The following SYT1 variants were observed in gnomAD, a reference collection of about 807,000 sequenced individuals.
The protein encoded by SYT1 is synaptotagmin 1, also known as synaptotagmin-1.
SYT1 carries 8 observed loss-of-function variants against 44.8 expected under a neutral mutation model. The ratio of observed to expected loss-of-function variants is 0.18; its 90% CI spans 0.10 to 0.32. The LOEUF (loss-of-function observed/expected upper bound fraction) is 0.32. SYT1 is among the 10% of genes least tolerant of loss of function. SYT1 has a pLI of 1.00. For missense variants in SYT1, 286 were observed against 509.3 expected, an observed-to-expected ratio of 0.56 and a Z score of 4.22; for synonymous variants, 154 against 188.8, an observed-to-expected ratio of 0.82 and a Z score of 1.51.
At chr12:78,984,129 C>G (rs970585244) in intron 2 of SYT1, among the ~76,000 whole-genome samples, 2 of 151,642 alleles carry the variant, frequency 1.3e-5, no homozygotes, top group Non-Finnish European at 2.9e-5. Context: ...ACCACCAAGA[C>G]AAATTGCCAA....
chr12:79,385,504 T>TC (rs751815176), intron 9 of SYT1, among the ~76,000 whole-genome samples: 25 of 152,076 alleles, frequency 1.6e-4, no homozygotes, highest in Non-Finnish European at 2.9e-4. Flanking sequence ...GCGTGTTTAT[T>TC]CCCCCCAAAA....
At chr12:79,206,332 TA>T (rs1874124401) in intron 3 of SYT1, among the ~76,000 whole-genome samples, 1 of 152,174 alleles carries the variant, frequency 6.6e-6, no homozygotes, top group Admixed American at 6.5e-5. Context: ...AAGCCAATAT[TA>T]AAAGGTTTCA....
chr12:79,089,786 T>G lies in SYT1; in HGVS notation c.-18+42424T>G, dbSNP rs369284644. Among the ~76,000 whole-genome samples, 23 of 152,234 alleles carry G rather than the reference T, an allele frequency of 1.5e-4. No homozygotes were observed. In the East Asian group the frequency reaches 2.3e-3, roughly 15 times the overall value. On this transcript the variant is annotated intron_variant, in intron 3 of 10. Coordinates refer to ENST00000261205, the MANE Select transcript of SYT1 (RefSeq NM_005639.3). ...TGTTTCTTTATCTCTTGCGTTTAAT[T>G]TGCTAAACTCCAAATCAAATTGAAC...
chr12:79,108,961 G>C (rs887235771), intron 3 of SYT1, among the ~76,000 whole-genome samples: 1 of 152,116 alleles, frequency 6.6e-6, no homozygotes, highest in Admixed American at 6.5e-5. Context: ...CTTTTCCTTA[G>C]TTCAGCTAAA....
At position 79,416,463 on chromosome 12, in the gene SYT1, A is replaced by G. The variant is rs1157131686; in HGVS notation, c.929-27610A>G. On this transcript the variant is annotated intron_variant, in intron 9 of 10. Transcript: ENST00000261205. ...ATTTTATGTATAGATCCTCTTCTAA[A>G]TAGAGTTTAGGTTTATATTCATATT... 6.6e-5 allele frequency among the ~76,000 whole-genome samples: 10 copies of G among 152,320 alleles called. No homozygotes were observed. The East Asian group carries it at 1.7e-3, about 26-fold the overall frequency.
At chr12:78,881,336 C>T (rs73349509) in intron 1 of SYT1, among the ~76,000 whole-genome samples, 2 of 151,526 alleles carry the variant, frequency 1.3e-5, no homozygotes, top group Non-Finnish European at 1.5e-5. Flanking sequence ...CTCTGTAGTT[C>T]AAAGCTTATG....
intron 1 of SYT1, among the ~76,000 whole-genome samples, chr12:78,952,009 C>T (rs1482470348): frequency 6.6e-6 from 1 of 151,892 alleles, no homozygotes; most frequent in Non-Finnish European, 1.5e-5. Context: ...AAAAGACTCC[C>T]GAAGTGAAGG....
chr12:79,132,162 A>G (rs994695417), intron 3 of SYT1, among the ~76,000 whole-genome samples: 1 of 152,156 alleles, frequency 6.6e-6, no homozygotes, highest in African/African-American at 2.4e-5. Flanking sequence ...TCAAAAGAAG[A>G]CATACAGGCC....
At chr12:79,349,023 GAAAGAAAGAA>G (rs1371135490) in intron 8 of SYT1, among the ~76,000 whole-genome samples, 2 of 86,428 alleles carry the variant, frequency 2.3e-5, no homozygotes, top group Admixed American at 1.5e-4. Flanking sequence ...AAGAAAGAAA[GAAAGAAAGAA>G]AAAGAAAGAA....
At chr12:79,318,134 A>G (rs10778595) in intron 8 of SYT1, among the ~76,000 whole-genome samples, 45,762 of 152,082 alleles carry the variant, frequency 0.3, 7,286 homozygotes, top group East Asian at 0.58. Context: ...AGAGATGTAT[A>G]GAAATTTTAA....
intron 9 of SYT1, among the ~76,000 whole-genome samples, chr12:79,360,805 C>A (rs1883289935): frequency 6.6e-6 from 1 of 152,060 alleles, no homozygotes; most frequent in Admixed American, 6.6e-5. Flanking sequence ...AAAACATGAA[C>A]AGATTGGTCT....
At chr12:78,945,487 T>G (rs538628165) in intron 1 of SYT1, among the ~76,000 whole-genome samples, 1 of 146,168 alleles carries the variant, frequency 6.8e-6, no homozygotes, top group African/African-American at 2.6e-5. Context: ...TATATATATA[T>G]ACACATTTCT....
At chr12:78,919,188 A>T (rs1252894856) in intron 1 of SYT1, among the ~76,000 whole-genome samples, 4 of 152,112 alleles carry the variant, frequency 2.6e-5, no homozygotes, top group African/African-American at 4.8e-5. Context: ...GTGTAATTAA[A>T]TTTTTTTTAA....
intron 6 of SYT1, among the ~76,000 whole-genome samples, chr12:79,294,461 A>T (rs953986329): frequency 6.6e-6 from 1 of 152,186 alleles, no homozygotes; most frequent in East Asian, 1.9e-4. Context: ...CAAAACTAAA[A>T]GACAACCCTA....
At chr12:79,424,935 C>A (rs1593056060) in intron 9 of SYT1, among the ~76,000 whole-genome samples, 1 of 103,410 alleles carries the variant, frequency 9.7e-6, no homozygotes, top group African/African-American at 3.7e-5. Flanking sequence ...TTTTGTTTTG[C>A]TTTTGATTTT....
chr12:79,394,324 T>A (rs1884786317), intron 9 of SYT1, among the ~76,000 whole-genome samples: 1 of 152,176 alleles, frequency 6.6e-6, no homozygotes, highest in Non-Finnish European at 1.5e-5. Flanking sequence ...ATGGAAATAA[T>A]ATTGCTCTTA....
In SYT1 at chr12:79,390,612, G is replaced by A. The variant is rs185097392; in HGVS notation, c.928+36993G>A. ...CGTTACCCACTGACTCCCCGCCATG[G>A]AAAATGAGGGTTTAGCTCTTTTCTA... is the stretch of plus-strand genomic sequence containing the variant. On this transcript the variant is annotated intron_variant, in intron 9 of 10. Coordinates refer to ENST00000261205, the MANE Select transcript of SYT1 (RefSeq NM_005639.3). Among the ~76,000 whole-genome samples, 630 of 152,114 alleles carry A rather than the reference G, an allele frequency of 4.1e-3. 3 individuals carry two copies. Among genetic ancestry groups the A allele is most frequent in the Middle Eastern group, 0.014 (4 of 294 alleles).
chr12:78,864,689 G>C (rs1873432029), upstream of SYT1: 1 of 152,626 alleles, frequency 6.6e-6, no homozygotes, highest in Admixed American at 6.5e-5. Context: ...GCTGGGGCTC[G>C]GAGATGATGG....
At chr12:79,265,341 T>A (rs1319334164) in intron 4 of SYT1, among the ~76,000 whole-genome samples, 1 of 152,148 alleles carries the variant, frequency 6.6e-6, no homozygotes, top group African/African-American at 2.4e-5. Context: ...GGAGTCCAAA[T>A]CCATGAAACT....
Sources: gnomAD v4.1 joint callset for allele counts (sites outside exome capture counted in the v4.1 genomes callset) on GRCh38, gnomAD v4.1.1 for gene constraint, MANE v1.5 for transcripts, NCBI Gene and HGNC (gene_info 2026-07-23, HGNC 2026-07-21) for gene names.